TCTN3: variants seen among roughly 807,000 people sequenced by gnomAD.
The protein encoded by TCTN3 is tectonic family member 3.
A neutral mutation model predicts 71.3 loss-of-function variants in TCTN3; 57 were observed. The ratio of observed to expected loss-of-function variants is 0.80; its 90% CI spans 0.65 to 1.00. The LOEUF is 1.00. Ranked by LOEUF, TCTN3 falls within the 50% of genes least tolerant of loss-of-function variation. The probability of loss-of-function intolerance (pLI) is 0.00; values close to 1 mark genes in which losing one functional copy is unlikely to be tolerated. For missense variants in TCTN3, 696 were observed against 719.9 expected, an observed-to-expected ratio of 0.97 and a Z score of 0.38; for synonymous variants, 258 against 267.8, an observed-to-expected ratio of 0.96 and a Z score of 0.36.
rs2097936192 is a variant in TCTN3 at position 95,675,555 on chromosome 10, G to A, written c.1590+4917C>T. On this transcript the variant is annotated intron_variant, in intron 13 of 13. Transcript: ENST00000371217. ...CAGAAGGAGGCAAAGTACTTCTATA[G>A]TCTAATAGTTCATTAAGAGATAAAA... Among the ~76,000 whole-genome samples the A allele has an allele frequency of 2.0e-5, 3 of 152,178 alleles. No individual in the cohort carries two copies. The South Asian group carries it at 6.2e-4, about 32-fold the overall frequency.
At chr10:95,678,361 G>A (rs1288542146) in intron 13 of TCTN3, among the ~76,000 whole-genome samples, 5 of 151,700 alleles carry the variant, frequency 3.3e-5, no homozygotes, top group East Asian at 1.9e-4. Context: ...GTGAAACTCC[G>A]TCTTTACTAA....
chr10:95,687,392 G>T, intron 4 of TCTN3, 37 bp from the exon 5 acceptor site: 1 of 1,563,580 alleles, frequency 6.4e-7, no homozygotes, highest in South Asian at 1.2e-5. Flanking sequence ...TTCACAGTGA[G>T]ACTGGACTAA....
At chr10:95,668,712 T>C (rs1207676691) in intron 13 of TCTN3, among the ~76,000 whole-genome samples, 1 of 152,064 alleles carries the variant, frequency 6.6e-6, no homozygotes, top group Non-Finnish European at 1.5e-5. Flanking sequence ...AAGGACGAAG[T>C]AGTGTCCAGT....
chr10:95,671,535 C>A (rs1001510859), intron 13 of TCTN3, among the ~76,000 whole-genome samples: 1 of 152,134 alleles, frequency 6.6e-6, no homozygotes. Flanking sequence ...TAATACCCTA[C>A]GTAAAATCAG....
At chr10:95,664,450 C>T in intron 13 of TCTN3, 150 bp from the exon 14 acceptor site, 1 of 673,848 alleles carries the variant, frequency 1.5e-6, no homozygotes, top group Non-Finnish European at 2.6e-6. Flanking sequence ...ATGTAGTTCT[C>T]TTTCAGTGAG....
At chr10:95,684,712 A>G in intron 8 of TCTN3, 88 bp from the exon 9 acceptor site, 2 of 1,445,628 alleles carry the variant, frequency 1.4e-6, no homozygotes, top group Non-Finnish European at 1.9e-6. Flanking sequence ...CAAGGGTGTT[A>G]TTATAACTAA....
rs1250314025 is a variant in TCTN3 at position 95,677,474 on chromosome 10, GTTTTTTTTGT to G, written c.1590+2988_1590+2997del. On this transcript the variant is annotated intron_variant, in intron 13 of 13. Transcript: ENST00000371217. ...ATACAAGAAGATAGTGAAGTCTACAGTTTTTTTTGTTTTTTTTTTTTTTTTTTGCTGTATT... is the reference window on the plus strand; with the variant it reads ...ATACAAGAAGATAGTGAAGTCTACAGTTTTTTTTTTTTTTTTTGCTGTATT... Among the ~76,000 whole-genome samples the G allele has an allele frequency of 1.1e-4, 9 of 80,774 alleles. No homozygotes were observed. In the South Asian group the frequency reaches 2.2e-3, roughly 20 times the overall value. 53.0% of individuals were successfully genotyped at this position (80,774 alleles called of 152,430 possible).
chr10:95,685,541 G>C lies in TCTN3; in HGVS notation c.969+15C>G. On this transcript the variant is annotated intron_variant, in intron 8 of 13. Coordinates refer to ENST00000371217, the MANE Select transcript of TCTN3 (RefSeq NM_015631.6). ...TAACACACATCAGTCCAGAATCTGAGGTCAGTATCCCTACCTGAGAAACTA... is the reference window on the plus strand; with the variant it reads ...TAACACACATCAGTCCAGAATCTGACGTCAGTATCCCTACCTGAGAAACTA... 6.5e-7 allele frequency: 1 copy of C among 1,543,344 alleles called. No homozygotes were observed. The highest frequency in any genetic ancestry group is 8.8e-7 in the Non-Finnish European group (1 of 1,139,646).
chr10:95,683,574 C>A lies in TCTN3; in HGVS notation c.1151G>T (p.Gly384Val). 1.2e-6 allele frequency: 2 copies of A among 1,614,100 alleles called. No individual in the cohort carries two copies. The highest frequency in any genetic ancestry group is 1.7e-6 in the Non-Finnish European group (2 of 1,180,012). ...SLTSPRSGNP[G>V]YIVGKPLLAL... is the part of the protein sequence containing the mutation. Reference sequence around the variant, plus strand: ...CAAGAGTGGCTTCCCAACTATATAGCCAGGATTCCCACTTCTAGGACTGGT... The same window carrying A: ...CAAGAGTGGCTTCCCAACTATATAGACAGGATTCCCACTTCTAGGACTGGT... Residue 384 changes from glycine to valine, a missense_variant, in exon 10 of 14, where the codon GGC becomes GTC. Gly to Val is a moderately radical substitution (Grantham distance 109). Coordinates refer to ENST00000371217, the MANE Select transcript of TCTN3 (RefSeq NM_015631.6).
rs1027956965 is a variant in TCTN3 at position 95,693,786 on chromosome 10, C to A, written c.114G>T (p.Leu38=). Residue 38 remains leucine, a synonymous_variant, in exon 1 of 14, where the codon CTG becomes CTT. Coordinates refer to ENST00000371217, the MANE Select transcript of TCTN3 (RefSeq NM_015631.6). ...GGGTTCCGCCATCCGTCCCTCGCTG[C>A]AGCTCCAAAGACGTGGGCACTGCCC... ...PSGAVPTSLE[L]QRGTDGGTLQ... 1.3e-6 allele frequency: 2 copies of A among 1,551,712 alleles called. No homozygotes were observed. The highest frequency in any genetic ancestry group is 2.7e-5 in the African/African-American group (2 of 73,172).
At position 95,672,742 on chromosome 10, in the gene TCTN3, G is replaced by C. The variant is rs1021090677; in HGVS notation, c.1590+7730C>G. Among the ~76,000 whole-genome samples, 20 of 144,482 alleles carry C rather than the reference G, an allele frequency of 1.4e-4. No homozygotes were observed. The East Asian group carries it at 3.6e-3, about 26-fold the overall frequency. The allele number at this position is 144,482 out of a possible 152,430, so 94.8% of individuals were successfully genotyped here. The stretch of plus-strand genomic sequence containing the variant: ...GAGTCTTGCTCTGTCGCCCAGGCTG[G>C]AGCGCAGTGGCATGATCTCGGCTCA... On this transcript the variant is annotated intron_variant, in intron 13 of 13. Transcript: ENST00000371217.
intron 7 of TCTN3, 142 bp downstream of exon 7, chr10:95,686,353 G>A (rs2097948248): frequency 3.6e-6 from 3 of 828,636 alleles, no homozygotes; most frequent in Admixed American, 2.2e-5. Context: ...ACTTGCAAAG[G>A]CACCGTTTTA....
intron 9 of TCTN3, 134 bp downstream of exon 9, chr10:95,684,365 T>C (rs1341890029): frequency 9.3e-7 from 1 of 1,077,196 alleles, no homozygotes; most frequent in Non-Finnish European, 1.3e-6. Context: ...TATTAAATGT[T>C]GAGGCCTCAA....
chr10:95,691,276 C>A (rs2097953294), intron 3 of TCTN3, among the ~76,000 whole-genome samples: 1 of 152,172 alleles, frequency 6.6e-6, no homozygotes, highest in Non-Finnish European at 1.5e-5. Context: ...CCTCAGCCTC[C>A]CAACTAGCTG....
At position 95,671,726 on chromosome 10, in the gene TCTN3, A is replaced by T. The variant is rs371197588; in HGVS notation, c.1591-7426T>A. Reference sequence around the variant, plus strand: ...GAACTTTATCAGACACATATATTACAGACTCAGGCGTGTGCCACCTTGCCC... The same window carrying T: ...GAACTTTATCAGACACATATATTACTGACTCAGGCGTGTGCCACCTTGCCC... On this transcript the variant is annotated intron_variant, in intron 13 of 13. Coordinates refer to ENST00000371217, the MANE Select transcript of TCTN3 (RefSeq NM_015631.6). Among the ~76,000 whole-genome samples, 638 of 152,208 alleles carry T rather than the reference A, an allele frequency of 4.2e-3. 2 individuals carry two copies. Among genetic ancestry groups the T allele is most frequent in the Middle Eastern group, 0.02 (6 of 294 alleles).
intron 11 of TCTN3, 139 bp from the exon 12 acceptor site, chr10:95,682,943 G>C (rs559783639): frequency 1.6e-6 from 2 of 1,285,936 alleles, no homozygotes; most frequent in East Asian, 2.4e-5. Context: ...ATTAACAATT[G>C]CCAGAAAACT....
intron 13 of TCTN3, among the ~76,000 whole-genome samples, chr10:95,671,961 CAAT>C (rs1473354352): frequency 2.0e-5 from 3 of 152,000 alleles, no homozygotes; most frequent in African/African-American, 7.3e-5. Context: ...AATTTATAAA[CAAT>C]AAAATATATA....
intron 13 of TCTN3, among the ~76,000 whole-genome samples, chr10:95,675,558 T>C (rs2097936198): frequency 6.6e-6 from 1 of 152,206 alleles, no homozygotes; most frequent in Non-Finnish European, 1.5e-5. Flanking sequence ...TTCTATAGTC[T>C]AATAGTTCAT....
At chr10:95,666,774 G>T (rs1477718313) in intron 13 of TCTN3, among the ~76,000 whole-genome samples, 1 of 152,158 alleles carries the variant, frequency 6.6e-6, no homozygotes, top group East Asian at 1.9e-4. Flanking sequence ...TTAGGAGGGG[G>T]GCAGATTTGA....
Sources: gnomAD v4.1 joint callset for allele counts (sites outside exome capture counted in the v4.1 genomes callset) on GRCh38, gnomAD v4.1.1 for gene constraint, MANE v1.5 for transcripts, NCBI Gene and HGNC (gene_info 2026-07-23, HGNC 2026-07-21) for gene names.